MYH7B: variants seen among roughly 807,000 people sequenced by gnomAD.
MYH7B encodes the protein myosin heavy chain 7B, also known as myosin-7B.
MYH7B carries 205 observed loss-of-function variants against 234.5 expected under a neutral mutation model. The observed-to-expected ratio is 0.87, with a 90% CI of 0.78 to 0.98. The LOEUF (loss-of-function observed/expected upper bound fraction) is 0.98. Among genes scored for constraint, MYH7B ranks in the 50% least tolerant of loss-of-function variants. The pLI, the probability that MYH7B is intolerant of heterozygous loss-of-function variation, is 0.00. For synonymous variants in MYH7B, 1,193 were observed against 1,105.0 expected, an observed-to-expected ratio of 1.08 and a Z score of -1.58; for missense variants, 2,652 against 2,633.4, an observed-to-expected ratio of 1.01 and a Z score of -0.15.
rs934667896 is a variant in MYH7B, at chr20:34,980,784, C to T, written c.499+50C>T. On this transcript the variant is annotated intron_variant, in intron 8 of 44. Transcript: ENST00000262873. ...CAACCGCAGACCCCGACCTCGGTCCCGGGAGGCCTCTGTAAGGGACCCCCT... is the reference window on the plus strand; with the variant it reads ...CAACCGCAGACCCCGACCTCGGTCCTGGGAGGCCTCTGTAAGGGACCCCCT... The T allele has an allele frequency of 3.1e-6, 5 of 1,596,512 alleles. No homozygotes were observed. In the African/African-American group the frequency reaches 4.0e-5, roughly 13 times the overall value.
rs116618699 is a variant in MYH7B at position 34,973,479 on chromosome 20, A to G, written c.-221-1921A>G. The stretch of plus-strand genomic sequence containing the variant: ...GCAGATACATTTTGGGCTGGGATCT[A>G]AAATCCTGGAGTCTCGCTCTCCTGA... On this transcript the variant is annotated intron_variant, in intron 2 of 44. Transcript: ENST00000262873. Among the ~76,000 whole-genome samples, 1,128 of 152,306 alleles carry G rather than the reference A, an allele frequency of 7.4e-3. 8 individuals carry two copies. Among genetic ancestry groups the G allele is most frequent in the African/African-American group, 0.026 (1,071 of 41,562 alleles).
chr20:34,998,650 A>G (rs2082308440), intron 34 of MYH7B, 21 bp downstream of exon 34: 5 of 1,612,674 alleles, frequency 3.1e-6, no homozygotes, highest in Non-Finnish European at 4.2e-6. Context: ...ACCGGTGACC[A>G]TGGAGTGGGC....
chr20:34,992,376 ACTCCGT>A (rs1464120775), intron 24 of MYH7B, among the ~76,000 whole-genome samples: 1 of 110,874 alleles, frequency 9.0e-6, no homozygotes, highest in African/African-American at 3.5e-5. Context: ...ACAGAGCGAG[ACTCCGT>A]CTCAAAAAAA....
chr20:34,963,845 T>G (rs1014021910), intron 2 of MYH7B, among the ~76,000 whole-genome samples: 2 of 152,220 alleles, frequency 1.3e-5, no homozygotes, highest in Non-Finnish European at 2.9e-5. Flanking sequence ...TTTGCACTTT[T>G]AAGTGGTAAA....
rs1294474236 is a variant in MYH7B, at chr20:34,996,273, G to A, written c.2944-73G>A. 2.6e-6 allele frequency: 4 copies of A among 1,513,572 alleles called. No individual in the cohort carries two copies. In the Admixed American group the frequency reaches 8.7e-5, roughly 33 times the overall value. The allele number at this position is 1,513,572 out of a possible 1,614,324, so 93.8% of individuals were successfully genotyped here. ...CATAGCTGGAAGGGGCACTTGCTCT[G>A]ACCTGGTGTGGTGTGGTGGCCGCTC... On this transcript the variant is annotated intron_variant, in intron 28 of 44. Transcript: ENST00000262873.
At position 34,978,140 on chromosome 20, in the gene MYH7B, C is replaced by T. The variant is rs546937323; in HGVS notation, c.91+44C>T. 3 of 1,608,572 alleles carry T rather than the reference C, an allele frequency of 1.9e-6. No homozygotes were observed. The African/African-American group carries it at 4.0e-5, about 22-fold the overall frequency. The stretch of plus-strand genomic sequence containing the variant: ...GGAGGGGTCATAGCCACAGAGATGC[C>T]CTTATGGACTCAGACCAGGAATTGG... On this transcript the variant is annotated intron_variant, in intron 5 of 44. Coordinates refer to ENST00000262873, the Ensembl canonical transcript of MYH7B.
chr20:35,001,007 A>G, exon 41 of MYH7B: 1 of 1,613,860 alleles, frequency 6.2e-7, no homozygotes, highest in South Asian at 1.1e-5. Context: ...ATGGCCGAGG[A>G]GCTGAAGAAG....
intron 3 of MYH7B, among the ~76,000 whole-genome samples, chr20:34,975,940 TCTC>T (rs1845711984): frequency 6.6e-6 from 1 of 152,090 alleles, no homozygotes; most frequent in Admixed American, 6.5e-5. Flanking sequence ...ATGGTCTCGA[TCTC>T]CTGACCTCGT....
intron 9 of MYH7B, 79 bp from the exon 10 acceptor site, chr20:34,982,380 T>C: frequency 4.0e-6 from 5 of 1,235,352 alleles, no homozygotes; most frequent in African/African-American, 1.6e-5. Flanking sequence ...TGGAGGGCTC[T>C]GCTTGAGGGG....
chr20:34,989,666 T>A, intron 19 of MYH7B, 74 bp from the exon 20 acceptor site: 1 of 1,450,932 alleles, frequency 6.9e-7, no homozygotes, highest in Non-Finnish European at 9.2e-7. Flanking sequence ...GGAGGTGGCC[T>A]GGGGAACCAG....
In MYH7B at chr20:34,997,090, T is replaced by A. The variant is rs2082274940; in HGVS notation, c.3274T>A (p.Ser1092Thr). The A allele has an allele frequency of 3.2e-6, 5 of 1,547,186 alleles. No homozygotes were observed. The South Asian group carries it at 4.8e-5, about 15-fold the overall frequency. The change falls in exon 31 of 45, where the codon TCC becomes ACC. Residue 1092 changes from serine (S) to threonine (T), a missense_variant. By Grantham distance (58) the Ser-to-Thr change is moderately conservative. Transcript: ENST00000262873. Reference sequence around the variant, plus strand: ...CCACTCTGTGGCTCCCAGGAAGGACTCCGAGCTGAGCCAGCTGAGCCTGCG... The same window carrying A: ...CCACTCTGTGGCTCCCAGGAAGGACACCGAGCTGAGCCAGCTGAGCCTGCG...
chr20:34,979,812 C>A lies in MYH7B; in HGVS notation c.342+8C>A, dbSNP rs1485423698. 3 of 1,612,192 alleles carry A rather than the reference C, an allele frequency of 1.9e-6. No homozygotes were observed. Among genetic ancestry groups the A allele is most frequent in the Non-Finnish European group, 2.5e-6 (3 of 1,179,380 alleles). On this transcript the variant is annotated splice_region_variant and intron_variant, in intron 7 of 44. Transcript: ENST00000262873. ...GCCCGCTGGATGATCTATGTGAGCC[C>A]CAGGCCCGGGCCATGGGCGGGGTGG...
rs766546912 is a variant in MYH7B at position 34,997,186 on chromosome 20, C to T, written c.3357+13C>T. ...CAAGGAGCTGCAGGTGCGTGGGGAT[C>T]GGGTGGGTGAGGCCTGGGGTCAGAG... On this transcript the variant is annotated intron_variant, in intron 31 of 44. Coordinates refer to ENST00000262873, the Ensembl canonical transcript of MYH7B. 2.6e-5 allele frequency: 40 copies of T among 1,550,334 alleles called. No individual in the cohort carries two copies. The East Asian group carries it at 3.2e-4, about 12-fold the overall frequency.
chr20:35,000,277 C>T lies in MYH7B; in HGVS notation c.4782-16C>T, dbSNP rs748905667. ...GCCCTTACGAGACCCCCTTTCATGC[C>T]ACCCTCCTCCCATAGGCGCAACCAC... On this transcript the variant is annotated splice_polypyrimidine_tract_variant and intron_variant, in intron 38 of 44. Transcript: ENST00000262873. The T allele has an allele frequency of 1.2e-5, 18 of 1,549,448 alleles. No homozygotes were observed. Among genetic ancestry groups the T allele is most frequent in the Non-Finnish European group, 1.4e-5 (16 of 1,155,658 alleles).
rs765375145 is a variant in MYH7B, at chr20:34,989,862, G to T, written c.1710G>T (p.Arg570=). Residue 570 remains arginine, a synonymous_variant, in exon 20 of 45, where the codon CGG becomes CGT. Coordinates refer to ENST00000262873, the Ensembl canonical transcript of MYH7B. ...AGTCACCCAATTTCCAGCAGCCTCG[G>T]CCTGACAAGAAGCGCAAGTACCAGG... The T allele has an allele frequency of 8.1e-6, 13 of 1,614,152 alleles. No homozygotes were observed. Among genetic ancestry groups the T allele is most frequent in the Non-Finnish European group, 1.1e-5 (13 of 1,180,026 alleles).
At chr20:34,990,460 C>T in intron 22 of MYH7B, 150 bp downstream of exon 22, 1 of 972,860 alleles carries the variant, frequency 1.0e-6, no homozygotes, top group Non-Finnish European at 1.7e-6. Flanking sequence ...CACAGCAAGT[C>T]TGTGCTGCTT....
intron 2 of MYH7B, among the ~76,000 whole-genome samples, chr20:34,962,083 C>T (rs923807857): frequency 9.2e-5 from 14 of 152,084 alleles, no homozygotes; most frequent in African/African-American, 2.2e-4. Flanking sequence ...AAAAATTAGC[C>T]GGGCGTGGTG....
At chr20:34,972,260 C>T (rs1445804853) in intron 2 of MYH7B, among the ~76,000 whole-genome samples, 1 of 152,134 alleles carries the variant, frequency 6.6e-6, no homozygotes, top group African/African-American at 2.4e-5. Context: ...GAAAACTCTC[C>T]CCTTGTTGAC....
At chr20:34,984,118 G>A (rs915292706) in intron 10 of MYH7B, among the ~76,000 whole-genome samples, 9 of 152,214 alleles carry the variant, frequency 5.9e-5, no homozygotes, top group Non-Finnish European at 1.3e-4. Context: ...CCAGAGCTAA[G>A]TCTCCTCATT....
Sources: gnomAD v4.1 joint callset for allele counts (sites outside exome capture counted in the v4.1 genomes callset) on GRCh38, gnomAD v4.1.1 for gene constraint, MANE v1.5 for transcripts, NCBI Gene and HGNC (gene_info 2026-07-23, HGNC 2026-07-21) for gene names.